The following ENPP6 variants were observed in gnomAD, a reference collection of about 807,000 sequenced individuals.
ENPP6 encodes the protein glycerophosphocholine cholinephosphodiesterase ENPP6.
In ENPP6, 32 loss-of-function variants were observed where a neutral mutation model predicts 42.0. The observed-to-expected ratio is 0.76, with a 90% CI of 0.58 to 1.02. ENPP6 has a LOEUF of 1.02. Among genes scored for constraint, ENPP6 ranks in the 50% least tolerant of loss-of-function variants. The probability of loss-of-function intolerance (pLI) is 0.00; values close to 1 mark genes in which losing one functional copy is unlikely to be tolerated. For synonymous variants in ENPP6, 213 were observed against 216.0 expected (o/e 0.99, Z 0.12); for missense variants, 552 against 566.8 (o/e 0.97, Z 0.27).
At chr4:184,132,503 T>C (rs1243307703) in intron 2 of ENPP6, among the ~76,000 whole-genome samples, 8 of 152,172 alleles carry the variant, frequency 5.3e-5, no homozygotes, top group Non-Finnish European at 1.2e-4. Flanking sequence ...TCTAGTAATG[T>C]CTTTTCATAA....
At chr4:184,198,879 T>G (rs1212717014) in intron 1 of ENPP6, among the ~76,000 whole-genome samples, 1 of 152,186 alleles carries the variant, frequency 6.6e-6, no homozygotes, top group African/African-American at 2.4e-5. Context: ...GCCATCCAGA[T>G]AGGTACCATG....
intron 6 of ENPP6, among the ~76,000 whole-genome samples, chr4:184,108,800 T>A (rs940291308): frequency 6.6e-6 from 1 of 152,258 alleles, no homozygotes; most frequent in Admixed American, 6.5e-5. Flanking sequence ...TTTGTGTTCA[T>A]GGACATAGGT....
intron 1 of ENPP6, among the ~76,000 whole-genome samples, chr4:184,164,975 C>T (rs2111087343): frequency 6.6e-6 from 1 of 152,296 alleles, no homozygotes; most frequent in South Asian, 2.1e-4. Flanking sequence ...AGGAAGCCCA[C>T]AGGAGAAGGA....
At chr4:184,194,302 G>A (rs1413867519) in intron 1 of ENPP6, among the ~76,000 whole-genome samples, 2 of 152,206 alleles carry the variant, frequency 1.3e-5, no homozygotes, top group Non-Finnish European at 2.9e-5. Context: ...CTCCCTGCGT[G>A]CTCCCCCTCA....
chr4:184,108,015 G>A (rs1402724578), intron 6 of ENPP6, among the ~76,000 whole-genome samples: 1 of 152,048 alleles, frequency 6.6e-6, no homozygotes, highest in Non-Finnish European at 1.5e-5. Context: ...AAGTCTTCCT[G>A]TTAGTGCAGC....
intron 2 of ENPP6, among the ~76,000 whole-genome samples, chr4:184,141,451 G>A (rs567042485): frequency 4.6e-5 from 7 of 152,378 alleles, no homozygotes; most frequent in Non-Finnish European, 7.3e-5. Flanking sequence ...CAACAAGGGC[G>A]ATGGGCTGCC....
chr4:184,207,234 T>A (rs921966306), intron 1 of ENPP6, among the ~76,000 whole-genome samples: 1 of 152,258 alleles, frequency 6.6e-6, no homozygotes, highest in Non-Finnish European at 1.5e-5. Context: ...AATTCTAGAC[T>A]GGCTTCCCCG....
At chr4:184,141,528 C>T (rs17486603) in intron 2 of ENPP6, among the ~76,000 whole-genome samples, 4,948 of 152,232 alleles carry the variant, frequency 0.033, 165 homozygotes, top group African/African-American at 0.078. Flanking sequence ...ACTTTGAGGG[C>T]GTGGTTTAGC....
intron 3 of ENPP6, among the ~76,000 whole-genome samples, chr4:184,120,937 A>G (rs1475511523): frequency 6.6e-6 from 1 of 152,190 alleles, no homozygotes; most frequent in East Asian, 1.9e-4. Flanking sequence ...CCGTGTCCCC[A>G]AGGCAGGAGG....
At chr4:184,142,918 T>C (rs1482327654) in intron 2 of ENPP6, among the ~76,000 whole-genome samples, 1 of 152,170 alleles carries the variant, frequency 6.6e-6, no homozygotes, top group African/African-American at 2.4e-5. Flanking sequence ...GTGAGAGGAA[T>C]GAATGACCAC....
intron 1 of ENPP6, among the ~76,000 whole-genome samples, chr4:184,191,401 T>A (rs887266645): frequency 6.6e-6 from 1 of 152,250 alleles, no homozygotes; most frequent in Non-Finnish European, 1.5e-5. Context: ...GAAATGTACG[T>A]TCTGCTCCCT....
At chr4:184,127,721 C>T (rs1469308467) in intron 2 of ENPP6, among the ~76,000 whole-genome samples, 1 of 152,292 alleles carries the variant, frequency 6.6e-6, no homozygotes, top group East Asian at 1.9e-4. Context: ...TGAGCCATTG[C>T]ACTCCAGCCT....
At chr4:184,190,540 AT>A (rs749150220) in intron 1 of ENPP6, among the ~76,000 whole-genome samples, 3 of 152,210 alleles carry the variant, frequency 2.0e-5, no homozygotes, top group Admixed American at 2.0e-4. Context: ...TGGAAATGAG[AT>A]GGGGAAGAGA....
At chr4:184,119,811 C>T in intron 3 of ENPP6, among the ~76,000 whole-genome samples, 1 of 152,176 alleles carries the variant, frequency 6.6e-6, no homozygotes, top group East Asian at 1.9e-4. Context: ...AAAGGGATTT[C>T]CCCCCTTTTG....
rs1733112292 is a variant in ENPP6, at chr4:184,211,564, A to C, written c.241+6015T>G. Reference sequence around the variant, plus strand: ...AAGGAATTGAATCTCTGAATAGACCAATAACAGGATCTGAAATTGTGGCAA... The same window carrying C: ...AAGGAATTGAATCTCTGAATAGACCCATAACAGGATCTGAAATTGTGGCAA... On this transcript the variant is annotated intron_variant, in intron 1 of 7. Coordinates refer to ENST00000296741, the MANE Select transcript of ENPP6 (RefSeq NM_153343.4). Among the ~76,000 whole-genome samples, 4 of 152,262 alleles carry C rather than the reference A, an allele frequency of 2.6e-5. 1 individual carries two copies. The South Asian group carries it at 8.3e-4, about 31-fold the overall frequency.
intron 1 of ENPP6, among the ~76,000 whole-genome samples, chr4:184,209,428 A>G (rs1733072585): frequency 6.6e-6 from 1 of 151,758 alleles, no homozygotes. Context: ...CTCGAGAACT[A>G]CGTGAAGAAT....
At chr4:184,110,171 C>T (rs912576348) in intron 6 of ENPP6, among the ~76,000 whole-genome samples, 3 of 152,192 alleles carry the variant, frequency 2.0e-5, no homozygotes, top group Non-Finnish European at 2.9e-5. Context: ...GCTCTCCCCT[C>T]ACCCCTTCTT....
chr4:184,100,677 C>T (rs1223257709), intron 6 of ENPP6, among the ~76,000 whole-genome samples: 1 of 152,178 alleles, frequency 6.6e-6, no homozygotes, highest in Non-Finnish European at 1.5e-5. Context: ...GGGGGTGTCT[C>T]CCCACTCCTC....
At chr4:184,212,002 A>G (rs1221619329) in intron 1 of ENPP6, among the ~76,000 whole-genome samples, 2 of 149,238 alleles carry the variant, frequency 1.3e-5, no homozygotes, top group African/African-American at 5.0e-5. Flanking sequence ...TGATTATCTC[A>G]ATAGATGCAG....
Sources: gnomAD v4.1 joint callset for allele counts (sites outside exome capture counted in the v4.1 genomes callset) on GRCh38, gnomAD v4.1.1 for gene constraint, MANE v1.5 for transcripts, NCBI Gene and HGNC (gene_info 2026-07-23, HGNC 2026-07-21) for gene names.